Variants in EHHADH observed in about 807,000 individuals in gnomAD.
The protein encoded by EHHADH is peroxisomal bifunctional enzyme.
In EHHADH, 48 loss-of-function variants were observed where a neutral mutation model predicts 64.4. That is an observed-to-expected ratio of 0.75 (90% CI 0.59 to 0.95). The LOEUF is 0.95. Ranked by LOEUF, EHHADH falls within the 40% of genes least tolerant of loss-of-function variation. EHHADH has a pLI of 0.00. For missense variants in EHHADH, 854 were observed against 876.6 expected, an observed-to-expected ratio of 0.97 and a Z score of 0.33; for synonymous variants, 308 against 326.7, an observed-to-expected ratio of 0.94 and a Z score of 0.62.
intron 1 of EHHADH, 167 bp downstream of exon 1, chr3:185,253,782 G>T (rs1031245995): frequency 1.6e-5 from 21 of 1,273,434 alleles, no homozygotes; most frequent in East Asian, 5.7e-5. Context: ...AAAAAGAAAA[G>T]AAAAAGAAAG....
intron 4 of EHHADH, among the ~76,000 whole-genome samples, chr3:185,228,257 A>AAAAATATATATATATATAT (rs1367786172): frequency 1.4e-4 from 3 of 22,002 alleles, no homozygotes; most frequent in African/African-American, 3.6e-4. Context: ...AAAAAAAAAA[A>AAAAATATATATATATATAT]ATATATATAT....
chr3:185,206,793 A>C (rs1026384761), intron 5 of EHHADH, among the ~76,000 whole-genome samples: 1 of 151,352 alleles, frequency 6.6e-6, no homozygotes, highest in Admixed American at 6.6e-5. Flanking sequence ...ATGCCATTGC[A>C]CTCCAGCCAG....
intron 2 of EHHADH, 104 bp from the exon 3 acceptor site, chr3:185,235,566 T>G: frequency 9.7e-7 from 1 of 1,029,328 alleles, no homozygotes. Flanking sequence ...TTTGTTTTAT[T>G]TATTTCTTAA....
chr3:185,218,915 C>T (rs952040026), intron 4 of EHHADH, among the ~76,000 whole-genome samples: 6 of 152,024 alleles, frequency 3.9e-5, no homozygotes, highest in African/African-American at 9.7e-5. Flanking sequence ...CCCAGCTACT[C>T]AGGAGGCTGA....
chr3:185,203,179 T>C (rs1718279264), intron 6 of EHHADH, among the ~76,000 whole-genome samples: 1 of 152,120 alleles, frequency 6.6e-6, no homozygotes. Context: ...AATTATACTG[T>C]GGTCATGTAT....
intron 2 of EHHADH, among the ~76,000 whole-genome samples, chr3:185,235,942 G>A (rs769489133): frequency 6.6e-6 from 1 of 152,046 alleles, no homozygotes; most frequent in Non-Finnish European, 1.5e-5. Flanking sequence ...AAATATCAGG[G>A]TAACATGTAT....
intron 2 of EHHADH, among the ~76,000 whole-genome samples, chr3:185,241,011 T>C (rs934776180): frequency 6.6e-6 from 1 of 152,054 alleles, no homozygotes; most frequent in Non-Finnish European, 1.5e-5. Context: ...CTTATGCCTT[T>C]GCATCCTCAT....
At chr3:185,244,119 T>C (rs578260340) in intron 2 of EHHADH, among the ~76,000 whole-genome samples, 9 of 152,348 alleles carry the variant, frequency 5.9e-5, no homozygotes, top group Admixed American at 5.2e-4. Flanking sequence ...CTTTGTCTTT[T>C]TACTGTTGTT....
At chr3:185,253,877 T>G in intron 1 of EHHADH, 72 bp downstream of exon 1, 2 of 1,582,172 alleles carry the variant, frequency 1.3e-6, no homozygotes, top group African/African-American at 1.4e-5. Flanking sequence ...CGGGGGAGAG[T>G]CAAAGCCTCC....
chr3:185,237,022 G>T (rs891627002), intron 2 of EHHADH, among the ~76,000 whole-genome samples: 3 of 152,072 alleles, frequency 2.0e-5, no homozygotes, highest in African/African-American at 7.2e-5. Flanking sequence ...GTAGAATAGG[G>T]ATTTAAACTT....
chr3:185,210,651 A>G (rs1033895497), intron 5 of EHHADH, among the ~76,000 whole-genome samples: 16 of 149,776 alleles, frequency 1.1e-4, no homozygotes, highest in Non-Finnish European at 1.9e-4. Context: ...AAAAAAAAAA[A>G]GGGAATATTT....
intron 5 of EHHADH, among the ~76,000 whole-genome samples, chr3:185,209,614 G>A (rs1157841206): frequency 6.6e-6 from 1 of 152,222 alleles, no homozygotes; most frequent in Non-Finnish European, 1.5e-5. Context: ...CTCTGGCATT[G>A]GTGTGTTAGG....
chr3:185,229,543 C>A lies in EHHADH; in HGVS notation c.352G>T (p.Ala118Ser). The A allele has an allele frequency of 1.3e-6, 2 of 1,554,680 alleles. No individual in the cohort carries two copies. The highest frequency in any genetic ancestry group is 8.7e-7 in the Non-Finnish European group (1 of 1,146,170). ...GCHYRIAHAE[A>S]QVGLPEVTLG... ...GTAACTTCTGGTAAGCCAACTTGAG[C>A]CTATCAAAGATTGAAGGCATAAAGG... Residue 118 changes from alanine (A) to serine (S), a missense_variant and splice_region_variant, in exon 4 of 7, where the codon GCT becomes TCT. Transcript: ENST00000231887.
At chr3:185,204,132 C>CAAAAAAA (rs1220063126) in intron 6 of EHHADH, among the ~76,000 whole-genome samples, 2 of 30,528 alleles carry the variant, frequency 6.6e-5, no homozygotes, top group Admixed American at 4.1e-4. Flanking sequence ...GACTCTGTCT[C>CAAAAAAA]AAAAAAAAAA....
chr3:185,228,701 C>G (rs1000560853), intron 4 of EHHADH, among the ~76,000 whole-genome samples: 1 of 151,932 alleles, frequency 6.6e-6, no homozygotes, highest in East Asian at 1.9e-4. Context: ...ATAAAAAGAA[C>G]AACTTGCATT....
chr3:185,211,117 T>C (rs921577864), intron 5 of EHHADH, among the ~76,000 whole-genome samples: 16 of 152,328 alleles, frequency 1.1e-4, no homozygotes, highest in African/African-American at 3.8e-4. Context: ...GCTGTTATCT[T>C]ACAACTTCAG....
At chr3:185,210,148 T>A (rs529374342) in intron 5 of EHHADH, among the ~76,000 whole-genome samples, 1 of 152,268 alleles carries the variant, frequency 6.6e-6, no homozygotes, top group African/African-American at 2.4e-5. Context: ...TAACAGGGCA[T>A]AGACAGCGCT....
chr3:185,215,012 T>C (rs1340486267), intron 5 of EHHADH, among the ~76,000 whole-genome samples: 1 of 152,214 alleles, frequency 6.6e-6, no homozygotes, highest in Non-Finnish European at 1.5e-5. Flanking sequence ...CAGGATGTAT[T>C]ACAAGCATTC....
At chr3:185,245,803 C>G in intron 2 of EHHADH, 1 of 734,632 alleles carries the variant, frequency 1.4e-6, no homozygotes, top group Non-Finnish European at 2.4e-6. Flanking sequence ...AAGAAGTTTT[C>G]TTGGTTCCTA....
Sources: gnomAD v4.1 joint callset for allele counts (sites outside exome capture counted in the v4.1 genomes callset) on GRCh38, gnomAD v4.1.1 for gene constraint, MANE v1.5 for transcripts, NCBI Gene and HGNC (gene_info 2026-07-23, HGNC 2026-07-21) for gene names.